DMXL1: variants seen among roughly 807,000 people sequenced by gnomAD.
DMXL1 encodes Dmx like 1.
In DMXL1, 99 loss-of-function variants were observed where a neutral mutation model predicts 319.2. The ratio of observed to expected loss-of-function variants is 0.31; its 90% CI spans 0.26 to 0.37. The LOEUF is 0.37. Among genes scored for constraint, DMXL1 ranks in the 10% least tolerant of loss-of-function variants. The probability of loss-of-function intolerance (pLI) is 1.00; values close to 1 mark genes in which losing one functional copy is unlikely to be tolerated. For missense variants in DMXL1, 3,745 were observed against 3,595.6 expected (o/e 1.04, Z -1.06); for synonymous variants, 1,385 against 1,235.2 (o/e 1.12, Z -2.54).
intron 1 of DMXL1, among the ~76,000 whole-genome samples, chr5:119,082,044 CACACACACACACAT>C (rs1434708899): frequency 4.7e-5 from 7 of 149,476 alleles, no homozygotes; most frequent in African/African-American, 1.7e-4. Context: ...CACACACACA[CACACACACACACAT>C]ACACGTATAT....
chr5:119,243,731 T>C (rs1789229286), intron 42 of DMXL1, among the ~76,000 whole-genome samples: 1 of 152,180 alleles, frequency 6.6e-6, no homozygotes, highest in Admixed American at 6.5e-5. Flanking sequence ...AAAATTATAA[T>C]GGACTTTTAA....
At chr5:119,102,700 TG>T (rs1402939200) in intron 3 of DMXL1, among the ~76,000 whole-genome samples, 11 of 152,050 alleles carry the variant, frequency 7.2e-5, no homozygotes, top group Non-Finnish European at 1.2e-4. Context: ...GAGGCTGAGA[TG>T]GGAGGATCGT....
At chr5:119,218,648 C>T (rs866545438) in intron 35 of DMXL1, among the ~76,000 whole-genome samples, 45 of 151,712 alleles carry the variant, frequency 3.0e-4, no homozygotes, top group Middle Eastern at 6.8e-3. Context: ...GTAGAGACGG[C>T]GTTTCACCAT....
Position 119,105,027 on chromosome 5 carries a change from A to G in DMXL1, c.286-153A>G, listed in dbSNP as rs557640273. Among the ~76,000 whole-genome samples, 23 of 152,292 alleles carry G rather than the reference A, an allele frequency of 1.5e-4. No homozygotes were observed. In the Middle Eastern group the frequency reaches 0.014, roughly 90 times the overall value. ...TATTCTCTCACATACCTTCTTTATCATGTGTTCTCTATTTTTGTTGACTGA... is the reference window on the plus strand; with the variant it reads ...TATTCTCTCACATACCTTCTTTATCGTGTGTTCTCTATTTTTGTTGACTGA... On this transcript the variant is annotated intron_variant, in intron 3 of 43. Transcript: ENST00000539542.
chr5:119,239,570 C>T (rs1208104576), intron 41 of DMXL1, among the ~76,000 whole-genome samples: 3 of 152,154 alleles, frequency 2.0e-5, no homozygotes, highest in African/African-American at 7.2e-5. Context: ...AAGAAGTTTC[C>T]ATATTCAGAC....
intron 32 of DMXL1, among the ~76,000 whole-genome samples, chr5:119,202,883 T>TTATATATATATATATATATATATATATA (rs201634842): frequency 3.5e-4 from 25 of 71,506 alleles, no homozygotes; most frequent in African/African-American, 9.9e-4. Flanking sequence ...ATATATATAT[T>TTATATATATATATATATATATATATATA]TTTATATATA....
intron 32 of DMXL1, among the ~76,000 whole-genome samples, chr5:119,199,318 C>G (rs926185425): frequency 2.6e-5 from 4 of 152,130 alleles, no homozygotes; most frequent in African/African-American, 9.7e-5. Flanking sequence ...TGAGAACATA[C>G]AGTGTTTGGT....
At chr5:119,194,185 T>C (rs1488355830) in intron 30 of DMXL1, among the ~76,000 whole-genome samples, 1 of 152,184 alleles carries the variant, frequency 6.6e-6, no homozygotes, top group Non-Finnish European at 1.5e-5. Flanking sequence ...TAGTTGAAAT[T>C]GTTAAATTCC....
chr5:119,091,813 GTGT>G (rs1487252696), intron 1 of DMXL1, among the ~76,000 whole-genome samples: 1 of 152,184 alleles, frequency 6.6e-6, no homozygotes, highest in Non-Finnish European at 1.5e-5. Context: ...CTACAGGGTG[GTGT>G]TACTACTGAA....
At chr5:119,246,551 T>C (rs1411288610) in intron 43 of DMXL1, among the ~76,000 whole-genome samples, 3 of 152,122 alleles carry the variant, frequency 2.0e-5, no homozygotes, top group African/African-American at 4.8e-5. Flanking sequence ...TACACAGATT[T>C]TTCTCTATTT....
intron 5 of DMXL1, among the ~76,000 whole-genome samples, chr5:119,114,212 C>G (rs1237384644): frequency 6.6e-6 from 1 of 152,184 alleles, no homozygotes; most frequent in South Asian, 2.1e-4. Context: ...CTCTCTCATT[C>G]TAAGGGAATG....
intron 19 of DMXL1, among the ~76,000 whole-genome samples, chr5:119,157,158 A>G (rs191977390): frequency 3.4e-4 from 51 of 152,016 alleles, no homozygotes; most frequent in African/African-American, 1.1e-3. Context: ...TGGCATGCCT[A>G]TTTTTTAATT....
At chr5:119,159,884 A>G (rs545380230) in intron 19 of DMXL1, among the ~76,000 whole-genome samples, 2 of 152,356 alleles carry the variant, frequency 1.3e-5, no homozygotes, top group Admixed American at 6.5e-5. Flanking sequence ...TCCGTCTTCT[A>G]AAGTGCTGGT....
intron 1 of DMXL1, among the ~76,000 whole-genome samples, chr5:119,087,736 TG>T (rs1409518270): frequency 2.0e-5 from 3 of 152,152 alleles, no homozygotes; most frequent in Non-Finnish European, 2.9e-5. Context: ...TTACTGAGAG[TG>T]GGGCGTTAAA....
chr5:119,150,288 G>A lies in DMXL1; in HGVS notation c.4461G>A (p.Gln1487=), dbSNP rs757226748. ...SPTYFGPEHA[Q]VLSGHLLHSS... ...CTTACTTTGGACCTGAGCATGCTCA[G>A]GTTCTTTCTGGCCACTTACTTCATT... The change falls in exon 18 of 44, where the codon CAG becomes CAA. Residue 1487 remains glutamine, a synonymous_variant. Coordinates refer to ENST00000539542, the MANE Select transcript of DMXL1 (RefSeq NM_001290321.3). 9 of 1,613,762 alleles carry A rather than the reference G, an allele frequency of 5.6e-6. No homozygotes were observed. Among genetic ancestry groups the A allele is most frequent in the Non-Finnish European group, 7.6e-6 (9 of 1,179,844 alleles).
At chr5:119,189,017 G>A (rs1778242189) in intron 28 of DMXL1, among the ~76,000 whole-genome samples, 1 of 152,012 alleles carries the variant, frequency 6.6e-6, no homozygotes, top group South Asian at 2.1e-4. Context: ...CTGATGATTT[G>A]CATTTTGTAA....
intron 19 of DMXL1, among the ~76,000 whole-genome samples, chr5:119,164,219 C>T (rs1157137310): frequency 6.6e-6 from 1 of 151,798 alleles, no homozygotes; most frequent in African/African-American, 2.4e-5. Flanking sequence ...TTAAGTGTTA[C>T]TCATTTTTTA....
At chr5:119,170,044 A>G in intron 23 of DMXL1, 146 bp from the exon 24 acceptor site, 2 of 657,902 alleles carry the variant, frequency 3.0e-6, no homozygotes, top group Non-Finnish European at 5.0e-6. Context: ...TTGTCTCTTC[A>G]GTGCCATGGA....
chr5:119,172,033 T>G, intron 25 of DMXL1, 64 bp downstream of exon 25: 1 of 1,406,754 alleles, frequency 7.1e-7, no homozygotes. Flanking sequence ...AAGATAAATA[T>G]TAAGGCTTTT....
Sources: allele counts gnomAD v4.1 joint callset (sites outside exome capture counted in the v4.1 genomes callset), GRCh38; gene constraint gnomAD v4.1.1; transcripts MANE v1.5; gene names NCBI Gene and HGNC (gene_info 2026-07-23, HGNC 2026-07-21).